Variants in MAN1A2 observed in about 807,000 individuals in gnomAD.
MAN1A2 encodes mannosyl-oligosaccharide 1,2-alpha-mannosidase IB.
MAN1A2 carries 26 observed loss-of-function variants against 75.7 expected under a neutral mutation model. The observed-to-expected ratio is 0.34, with a 90% CI of 0.25 to 0.48. The LOEUF is 0.48. MAN1A2 is among the 20% of genes least tolerant of loss of function. The pLI is 0.99. For synonymous variants in MAN1A2, 247 were observed against 264.6 expected (o/e 0.93, Z 0.65); for missense variants, 562 against 775.5 (o/e 0.72, Z 3.27).
intron 8 of MAN1A2, among the ~76,000 whole-genome samples, chr1:117,471,456 A>G (rs901697273): frequency 2.0e-5 from 3 of 151,960 alleles, no homozygotes; most frequent in African/African-American, 7.2e-5. Flanking sequence ...ATTGCTATTT[A>G]GGAGTATTTT....
chr1:117,499,523 G>A lies in MAN1A2; in HGVS notation c.1646G>A (p.Arg549Lys). ...WYLWRFTHDP[R>K]YRQWGWEAAL... ...CTATGGCGATTCACTCACGATCCAA[G>A]ATACAGGCAGTGGGGCTGGGAAGCA... Residue 549 changes from arginine to lysine, a missense_variant, in exon 11 of 13, where the codon AGA becomes AAA. By Grantham distance (26) the Arg-to-Lys change is conservative. This residue lies in a region of MAN1A2 where 434 missense variants were observed against 645.7 expected (regional missense o/e 0.67). Transcript: ENST00000356554. 13 of 1,606,750 alleles carry A rather than the reference G, an allele frequency of 8.1e-6. No homozygotes were observed. Among genetic ancestry groups the A allele is most frequent in the Non-Finnish European group, 1.1e-5 (13 of 1,176,494 alleles).
At chr1:117,504,346 T>C (rs1359572884) in intron 12 of MAN1A2, among the ~76,000 whole-genome samples, 2 of 150,884 alleles carry the variant, frequency 1.3e-5, no homozygotes, top group Non-Finnish European at 3.0e-5. Flanking sequence ...TCAGAAAAAC[T>C]GTAAGATAGG....
At chr1:117,425,485 A>G (rs1413674800) in intron 5 of MAN1A2, among the ~76,000 whole-genome samples, 1 of 152,196 alleles carries the variant, frequency 6.6e-6, no homozygotes, top group Non-Finnish European at 1.5e-5. Context: ...AGCAATATAT[A>G]AAAAGGGTAA....
chr1:117,373,470 C>CCTTTG (rs1468905993), intron 1 of MAN1A2, among the ~76,000 whole-genome samples: 1 of 145,422 alleles, frequency 6.9e-6, no homozygotes, highest in Non-Finnish European at 1.5e-5. Context: ...GGTGTAGATG[C>CCTTTG]CTTTGCTGCA....
intron 2 of MAN1A2, among the ~76,000 whole-genome samples, chr1:117,402,770 T>G (rs1264249652): frequency 6.6e-6 from 1 of 152,138 alleles, no homozygotes; most frequent in Non-Finnish European, 1.5e-5. Flanking sequence ...GTTTCTTAAA[T>G]GTTCAGTTAC....
intron 4 of MAN1A2, among the ~76,000 whole-genome samples, chr1:117,417,724 T>A (rs1648052459): frequency 6.6e-6 from 1 of 150,894 alleles, no homozygotes; most frequent in Non-Finnish European, 1.5e-5. Flanking sequence ...TCTCTCTCTC[T>A]CTCTCTCTCA....
At chr1:117,390,638 T>A (rs1449005326) in intron 1 of MAN1A2, among the ~76,000 whole-genome samples, 1 of 151,944 alleles carries the variant, frequency 6.6e-6, no homozygotes, top group African/African-American at 2.4e-5. Context: ...TTTATTATTT[T>A]CTTTCTTCTT....
chr1:117,386,792 TGTG>T (rs1346681989), intron 1 of MAN1A2, among the ~76,000 whole-genome samples: 1 of 53,034 alleles, frequency 1.9e-5, no homozygotes, highest in African/African-American at 1.2e-4. Flanking sequence ...ATTAGCCAGA[TGTG>T]GTGGCACACA....
chr1:117,466,951 A>G (rs1202067632), intron 8 of MAN1A2, among the ~76,000 whole-genome samples: 2 of 152,158 alleles, frequency 1.3e-5, no homozygotes, highest in Non-Finnish European at 2.9e-5. Flanking sequence ...ACAGGCTGGC[A>G]GGATAGGCTG....
At chr1:117,462,674 T>C (rs1209180961) in intron 7 of MAN1A2, among the ~76,000 whole-genome samples, 1 of 152,148 alleles carries the variant, frequency 6.6e-6, no homozygotes, top group South Asian at 2.1e-4. Flanking sequence ...GTGATGGCAG[T>C]AGATAAAACT....
At chr1:117,460,663 A>G in intron 7 of MAN1A2, 51 bp downstream of exon 7, 1 of 1,523,526 alleles carries the variant, frequency 6.6e-7, no homozygotes, top group Non-Finnish European at 8.8e-7. Context: ...GTCCTTTAAG[A>G]TTGGCCCAAA....
intron 9 of MAN1A2, chr1:117,494,700 G>T (rs2101874974): frequency 1.3e-5 from 2 of 152,072 alleles, no homozygotes; most frequent in Middle Eastern, 3.4e-3. Context: ...TTTAGTAGGA[G>T]AACTTTATTC....
chr1:117,486,714 A>G (rs139389856), intron 8 of MAN1A2, among the ~76,000 whole-genome samples: 2,335 of 152,104 alleles, frequency 0.015, 27 homozygotes, highest in Non-Finnish European at 0.021. Flanking sequence ...AGAGAAAATA[A>G]TAGAAACTCA....
chr1:117,412,981 A>G (rs1036366639), intron 3 of MAN1A2, among the ~76,000 whole-genome samples: 1 of 151,978 alleles, frequency 6.6e-6, no homozygotes, highest in African/African-American at 2.4e-5. Context: ...AATTAAAATA[A>G]GGACACAAAC....
At chr1:117,442,155 T>C in intron 5 of MAN1A2, 76 bp from the exon 6 acceptor site, 1 of 926,080 alleles carries the variant, frequency 1.1e-6, no homozygotes, top group Non-Finnish European at 1.8e-6. Flanking sequence ...GTGCTATGTA[T>C]ACTATGAGAG....
intron 12 of MAN1A2, among the ~76,000 whole-genome samples, chr1:117,503,834 G>A (rs1192246005): frequency 6.6e-6 from 1 of 151,402 alleles, no homozygotes; most frequent in Non-Finnish European, 1.5e-5. Flanking sequence ...CAATTAAAAT[G>A]TACCGTTCTC....
intron 1 of MAN1A2, among the ~76,000 whole-genome samples, chr1:117,368,934 G>A (rs1570686334): frequency 6.6e-6 from 1 of 152,104 alleles, no homozygotes; most frequent in African/African-American, 2.4e-5. Context: ...GAGGGCTCTC[G>A]TTTTCTGGCT....
chr1:117,455,900 T>G (rs1649567967), intron 6 of MAN1A2, among the ~76,000 whole-genome samples: 1 of 151,996 alleles, frequency 6.6e-6, no homozygotes, highest in Non-Finnish European at 1.5e-5. Flanking sequence ...AGACTTCATT[T>G]TAAAATAAAA....
At chr1:117,486,407 T>C (rs1650702047) in intron 8 of MAN1A2, among the ~76,000 whole-genome samples, 1 of 151,986 alleles carries the variant, frequency 6.6e-6, no homozygotes, top group Non-Finnish European at 1.5e-5. Context: ...ATGTTTTATA[T>C]GCTTTTCTGT....
Sources: gnomAD v4.1 joint callset for allele counts (sites outside exome capture counted in the v4.1 genomes callset) on GRCh38, gnomAD v4.1.1 for gene constraint, gnomAD v4.1.1 regional missense constraint, MANE v1.5 for transcripts, NCBI Gene and HGNC (gene_info 2026-07-23, HGNC 2026-07-21) for gene names.